Variants in KCNQ1 observed in about 807,000 individuals in gnomAD.
The protein encoded by KCNQ1 is potassium voltage-gated channel subfamily KQT member 1.
Under a neutral mutation model 72.4 loss-of-function variants are expected in KCNQ1, and 49 were observed. The observed-to-expected ratio is 0.68, with a 90% CI of 0.54 to 0.86. The LOEUF (loss-of-function observed/expected upper bound fraction) is 0.86. KCNQ1 is among the 40% of genes least tolerant of loss of function. The probability of loss-of-function intolerance (pLI) is 0.00; values close to 1 mark genes in which losing one functional copy is unlikely to be tolerated. For missense variants in KCNQ1, 790 were observed against 945.1 expected (o/e 0.84, Z 2.15); for synonymous variants, 450 against 412.6 (o/e 1.09, Z -1.10).
intron 11 of KCNQ1, among the ~76,000 whole-genome samples, chr11:2,742,304 C>T (rs981157242): frequency 1.3e-5 from 2 of 152,192 alleles, no homozygotes; most frequent in Non-Finnish European, 2.9e-5. Flanking sequence ...AAGCCCTGTG[C>T]CCCAAGATCA....
In KCNQ1 at chr11:2,703,274, C is replaced by G. The variant is rs994304747; in HGVS notation, c.1514+41193C>G. Reference sequence around the variant, plus strand: ...CCTGCACCTTGTCACCTTCTTGGGACTCAAGGCTGCAGGGGTGGGTGTGAG... The same window carrying G: ...CCTGCACCTTGTCACCTTCTTGGGAGTCAAGGCTGCAGGGGTGGGTGTGAG... On this transcript the variant is annotated intron_variant, in intron 11 of 15. Transcript: ENST00000155840. This position sits in a 1 kb window ranked among gnomAD's most constrained non-coding sequence, Gnocchi z 6.4. Among the ~76,000 whole-genome samples the G allele has an allele frequency of 6.6e-5, 10 of 152,188 alleles. No homozygotes were observed. The highest frequency in any genetic ancestry group is 2.4e-4 in the African/African-American group (10 of 41,446).
chr11:2,571,488 C>CGGAT (rs1487090404), intron 4 of KCNQ1, 85 bp downstream of exon 4: 1 of 1,121,588 alleles, frequency 8.9e-7, no homozygotes, highest in Non-Finnish European at 1.3e-6. Context: ...ACGCCCCATC[C>CGGAT]ACCTTGCTCA....
Position 2,687,842 on chromosome 11 carries a change from T to C in KCNQ1, c.1514+25761T>C, listed in dbSNP as rs1850517555. 1 of 398,580 alleles carries C rather than the reference T, an allele frequency of 2.5e-6. No individual in the cohort carries two copies. The highest frequency in any genetic ancestry group is 1.3e-4 in the South Asian group (1 of 7,864). The allele number at this position is 398,580 out of a possible 1,614,324, so 24.7% of individuals were successfully genotyped here. ...CCCCAACTGGCTCCAGGCCAAACTC[T>C]GGTTCCTGAGGAGCCTCAAAGGCTG... On this transcript the variant is annotated intron_variant, in intron 11 of 15. Transcript: ENST00000155840. The surrounding 1 kb of genome is among the most constrained non-coding windows in gnomAD (Gnocchi z 5.0).
rs1217544515 is a variant in KCNQ1 at position 2,498,336 on chromosome 11, C to G, written c.387-29592C>G. 2.0e-5 allele frequency among the ~76,000 whole-genome samples: 3 copies of G among 152,234 alleles called. No homozygotes were observed. The highest frequency in any genetic ancestry group is 7.2e-5 in the African/African-American group (3 of 41,472). ...TGTCCCAGGGAAATGGGAGTTTTAT[C>G]TATAATCCCCTGACTGGGGCTGCTG... On this transcript the variant is annotated intron_variant, in intron 1 of 15. Coordinates refer to ENST00000155840, the MANE Select transcript of KCNQ1 (RefSeq NM_000218.3). The surrounding 1 kb of genome is among the most constrained non-coding windows in gnomAD (Gnocchi z 4.8).
chr11:2,837,603 C>T lies in KCNQ1; in HGVS notation c.1795-10164C>T, dbSNP rs147318882. On this transcript the variant is annotated intron_variant, in intron 15 of 15. Coordinates refer to ENST00000155840, the MANE Select transcript of KCNQ1 (RefSeq NM_000218.3). ...AGAAGCACACACCACCAGCAGGAAC[C>T]GGGCAGACAGAGGTGGGGGATGGAA... Among the ~76,000 whole-genome samples the T allele has an allele frequency of 1.1e-4, 17 of 152,316 alleles. No homozygotes were observed. The East Asian group carries it at 1.9e-3, about 17-fold the overall frequency.
chr11:2,587,712 CCAGGG>C lies in KCNQ1; in HGVS notation c.1251+27_1251+31del, dbSNP rs1417494310. 7 of 1,613,384 alleles carry C rather than the reference CCAGGG, an allele frequency of 4.3e-6. No homozygotes were observed. The highest frequency in any genetic ancestry group is 1.7e-5 in the Admixed American group (1 of 60,008). Reference sequence around the variant, plus strand: ...GTGGTGGTGAGTAGCCCACCTGCCACCAGGGCAGGGCCTTCTTGCTAGCAGGTGGG... The same window carrying C: ...GTGGTGGTGAGTAGCCCACCTGCCACCAGGGCCTTCTTGCTAGCAGGTGGG... On this transcript the variant is annotated intron_variant, in intron 9 of 15. Coordinates refer to ENST00000155840, the MANE Select transcript of KCNQ1 (RefSeq NM_000218.3).
intron 11 of KCNQ1, chr11:2,667,218 T>C: frequency 2.5e-6 from 1 of 398,638 alleles, no homozygotes; most frequent in Non-Finnish European, 4.4e-6. Flanking sequence ...CCCCTAACCT[T>C]TCCAAACTTC....
rs138955471 is a variant in KCNQ1, at chr11:2,543,235, A to G, written c.477+15217A>G. On this transcript the variant is annotated intron_variant, in intron 2 of 15. Transcript: ENST00000155840. The surrounding 1 kb of genome is among the most constrained non-coding windows in gnomAD (Gnocchi z 5.6). ...ACATAGATATTTGTTTTACACATGT[A>G]TTCTCTAGTCGGTGGCTTTCCTTTT... Among the ~76,000 whole-genome samples, 1,083 of 152,128 alleles carry G rather than the reference A, an allele frequency of 7.1e-3. 9 individuals are homozygous for G. The highest frequency in any genetic ancestry group is 0.025 in the African/African-American group (1,038 of 41,502).
At chr11:2,749,341 A>T (rs1312029035) in intron 11 of KCNQ1, among the ~76,000 whole-genome samples, 1 of 152,078 alleles carries the variant, frequency 6.6e-6, no homozygotes, top group African/African-American at 2.4e-5. Context: ...GCAAGCACAG[A>T]TGAGGATGGA....
intron 6 of KCNQ1, among the ~76,000 whole-genome samples, chr11:2,581,162 C>T (rs895909429): frequency 5.9e-5 from 9 of 152,224 alleles, no homozygotes; most frequent in South Asian, 4.1e-4. Flanking sequence ...CAGGATAGGC[C>T]AGGGTCCCTG....
intron 1 of KCNQ1, among the ~76,000 whole-genome samples, chr11:2,502,697 T>C (rs911781286): frequency 2.0e-5 from 3 of 152,292 alleles, no homozygotes; most frequent in South Asian, 2.1e-4. Flanking sequence ...CTCAAACTTA[T>C]ATGGAATCAC....
chr11:2,816,765 A>G lies in KCNQ1; in HGVS notation c.1795-31002A>G, dbSNP rs969660969. Among the ~76,000 whole-genome samples the G allele has an allele frequency of 7.2e-5, 11 of 151,988 alleles. No individual in the cohort carries two copies. The highest frequency in any genetic ancestry group is 1.5e-4 in the Non-Finnish European group (10 of 67,942). ...CTGCACTGAACGCTCCTCCCAGCTC[A>G]TGCTTTCCAAAGTCCCCTGCTCAGG... On this transcript the variant is annotated intron_variant, in intron 15 of 15. Transcript: ENST00000155840. This position sits in a 1 kb window ranked among gnomAD's most constrained non-coding sequence, Gnocchi z 6.8.
In KCNQ1 at chr11:2,695,904, C is replaced by A. The variant is rs2133897652; in HGVS notation, c.1514+33823C>A. The A allele has an allele frequency of 2.5e-6, 1 of 398,648 alleles. No homozygotes were observed. The highest frequency in any genetic ancestry group is 4.4e-6 in the Non-Finnish European group (1 of 226,056). The allele number at this position is 398,648 out of a possible 1,614,324, so 24.7% of individuals were successfully genotyped here. Reference sequence around the variant, plus strand: ...AAACTGGCAATCTTCCTACCTTTTTCTTAATGATTTGTGGTGCTTTCTGGT... The same window carrying A: ...AAACTGGCAATCTTCCTACCTTTTTATTAATGATTTGTGGTGCTTTCTGGT... On this transcript the variant is annotated intron_variant, in intron 11 of 15. Transcript: ENST00000155840. The surrounding 1 kb of genome is among the most constrained non-coding windows in gnomAD (Gnocchi z 5.2).
rs1337509591 is a variant in KCNQ1, at chr11:2,536,241, T to C, written c.477+8223T>C. Among the ~76,000 whole-genome samples, 1 of 152,234 alleles carries C rather than the reference T, an allele frequency of 6.6e-6. No individual in the cohort carries two copies. Among genetic ancestry groups the C allele is most frequent in the African/African-American group, 2.4e-5 (1 of 41,464 alleles). On this transcript the variant is annotated intron_variant, in intron 2 of 15. Transcript: ENST00000155840. This position sits in a 1 kb window ranked among gnomAD's most constrained non-coding sequence, Gnocchi z 7.4. The stretch of plus-strand genomic sequence containing the variant: ...TTAAGGGATTCTAGAAATTTCCTGC[T>C]GTGCCAGGCTGCAGCAGAGACTCCG...
Position 2,687,982 on chromosome 11 carries a change from G to T in KCNQ1, c.1514+25901G>T. On this transcript the variant is annotated intron_variant, in intron 11 of 15. Coordinates refer to ENST00000155840, the MANE Select transcript of KCNQ1 (RefSeq NM_000218.3). This position sits in a 1 kb window ranked among gnomAD's most constrained non-coding sequence, Gnocchi z 5.0. Reference sequence around the variant, plus strand: ...AGGCCGCTGCTTCCTGCTTCCCTTTGATGTCTCCTCGTGCGAGGGAGGGGT... The same window carrying T: ...AGGCCGCTGCTTCCTGCTTCCCTTTTATGTCTCCTCGTGCGAGGGAGGGGT... 5.0e-6 allele frequency: 2 copies of T among 398,772 alleles called. No homozygotes were observed. Among genetic ancestry groups the T allele is most frequent in the Non-Finnish European group, 8.8e-6 (2 of 226,172 alleles). The allele number at this position is 398,772 out of a possible 1,614,324, so 24.7% of individuals were successfully genotyped here.
At chr11:2,688,866 T>G in intron 11 of KCNQ1, 2 of 398,802 alleles carry the variant, frequency 5.0e-6, no homozygotes, top group Non-Finnish European at 8.8e-6. Context: ...GGGCCAGAGG[T>G]CATGCAGCAA....
At chr11:2,641,900 A>C (rs1849585148) in intron 10 of KCNQ1, 1 of 398,318 alleles carries the variant, frequency 2.5e-6, no homozygotes, top group Non-Finnish European at 4.4e-6. Flanking sequence ...CTCTTTTCCC[A>C]GTGTATGTTC....
rs1848132835 is a variant in KCNQ1 at position 2,559,849 on chromosome 11, C to T, written c.478-10779C>T. 6.6e-6 allele frequency among the ~76,000 whole-genome samples: 1 copy of T among 151,934 alleles called. No individual in the cohort carries two copies. The highest frequency in any genetic ancestry group is 1.5e-5 in the Non-Finnish European group (1 of 68,002). On this transcript the variant is annotated intron_variant, in intron 2 of 15. Coordinates refer to ENST00000155840, the MANE Select transcript of KCNQ1 (RefSeq NM_000218.3). This position sits in a 1 kb window ranked among gnomAD's most constrained non-coding sequence, Gnocchi z 4.9. ...GCTTCCTGGGCAGGGGCTCCTTCCT[C>T]CCTCTCTGTCTCTGGGGTCCCATGG...
chr11:2,640,493 C>T, intron 10 of KCNQ1: 1 of 398,174 alleles, frequency 2.5e-6, no homozygotes, highest in Non-Finnish European at 4.4e-6. Flanking sequence ...GCATTGTTGC[C>T]CAGGCTGGTC....
Sources: allele counts gnomAD v4.1 joint callset (sites outside exome capture counted in the v4.1 genomes callset), GRCh38; gene constraint gnomAD v4.1.1; non-coding constraint Gnocchi (gnomAD v3.1); transcripts MANE v1.5; gene names NCBI Gene and HGNC (gene_info 2026-07-23, HGNC 2026-07-21).